Variants in SYT6 observed in about 807,000 individuals in gnomAD.
SYT6 encodes the protein synaptotagmin 6.
A neutral mutation model predicts 38.4 loss-of-function variants in SYT6; 24 were observed. That is an observed-to-expected ratio of 0.62 (90% CI 0.45 to 0.88). SYT6 has a LOEUF of 0.88. Among genes scored for constraint, SYT6 ranks in the 40% least tolerant of loss-of-function variants. The pLI is 0.00. For synonymous variants in SYT6, 265 were observed against 241.9 expected, an observed-to-expected ratio of 1.10 and a Z score of -0.89; for missense variants, 611 against 621.0, an observed-to-expected ratio of 0.98 and a Z score of 0.17.
intron 1 of SYT6, among the ~76,000 whole-genome samples, chr1:114,153,347 C>T (rs939392356): frequency 6.6e-6 from 1 of 152,216 alleles, no homozygotes; most frequent in Admixed American, 6.5e-5. Context: ...GTCCTGGGAG[C>T]CTGGCTGTCT....
rs113213056 is a variant in SYT6, at chr1:114,099,590, C to T, written c.1193-325G>A. Among the ~76,000 whole-genome samples, 8 of 152,266 alleles carry T rather than the reference C, an allele frequency of 5.3e-5. No homozygotes were observed. In the South Asian group the frequency reaches 1.5e-3, roughly 28 times the overall value. On this transcript the variant is annotated intron_variant, in intron 4 of 7. Transcript: ENST00000610222. ...CAGTTCACAGCCCTAAATCTCAGCT[C>T]GTCAATCCCTGGCTGACTCAAAAAG...
chr1:114,122,367 G>T (rs1677455833), intron 3 of SYT6, among the ~76,000 whole-genome samples: 1 of 152,188 alleles, frequency 6.6e-6, no homozygotes, highest in South Asian at 2.1e-4. Flanking sequence ...TCCCTCTCTT[G>T]GGGACTGGAG....
At chr1:114,126,293 CAT>C (rs1252290837) in intron 3 of SYT6, among the ~76,000 whole-genome samples, 5 of 152,200 alleles carry the variant, frequency 3.3e-5, no homozygotes, top group Non-Finnish European at 1.5e-5. Context: ...AATATGGAGT[CAT>C]AACACCATGG....
intron 2 of SYT6, 105 bp downstream of exon 2, chr1:114,139,510 G>A: frequency 6.7e-7 from 1 of 1,481,818 alleles, no homozygotes; most frequent in Non-Finnish European, 9.1e-7. Context: ...CAAAGGATAT[G>A]TGTTATTATT....
chr1:114,106,452 G>C (rs1676318042), intron 3 of SYT6, among the ~76,000 whole-genome samples: 4 of 152,066 alleles, frequency 2.6e-5, no homozygotes, highest in Admixed American at 2.6e-4. Context: ...TTTGGTGCCA[G>C]ATTTTCATAT....
chr1:114,108,914 T>C (rs1231214659), intron 3 of SYT6, among the ~76,000 whole-genome samples: 1 of 152,192 alleles, frequency 6.6e-6, no homozygotes, highest in Non-Finnish European at 1.5e-5. Flanking sequence ...CAGAGAAGCA[T>C]CCGCTATACT....
At chr1:114,151,703 T>C (rs543299787) in intron 1 of SYT6, among the ~76,000 whole-genome samples, 1 of 152,060 alleles carries the variant, frequency 6.6e-6, no homozygotes, top group Non-Finnish European at 1.5e-5. Context: ...AGATGGATCA[T>C]TGGTGGAAAA....
chr1:114,114,084 T>A (rs1557743280), intron 3 of SYT6, among the ~76,000 whole-genome samples: 1 of 152,112 alleles, frequency 6.6e-6, no homozygotes, highest in Non-Finnish European at 1.5e-5. Flanking sequence ...CCCACTCATC[T>A]CAGGCCACTT....
At chr1:114,143,557 C>CGT (rs149047400) in intron 1 of SYT6, among the ~76,000 whole-genome samples, 68,317 of 146,702 alleles carry the variant, frequency 0.47, 15,925 homozygotes, top group Middle Eastern at 0.6. Flanking sequence ...AACTTATGTG[C>CGT]ATGTGTGTGT....
rs558020352 is a variant in SYT6, at chr1:114,116,279, G to A, written c.1072-12558C>T. ...AGCAGACACTGCCTCAGGGGAAGGA[G>A]GGAGGGGGAGAAGCTAGGCCAGCAG... On this transcript the variant is annotated intron_variant, in intron 3 of 7. Transcript: ENST00000610222. Among the ~76,000 whole-genome samples the A allele has an allele frequency of 2.6e-5, 4 of 152,302 alleles. No homozygotes were observed. The South Asian group carries it at 6.2e-4, about 24-fold the overall frequency.
intron 7 of SYT6, among the ~76,000 whole-genome samples, 170 bp downstream of exon 7, chr1:114,093,565 A>G (rs1675444794): frequency 6.6e-6 from 1 of 152,228 alleles, no homozygotes; most frequent in Non-Finnish European, 1.5e-5. Flanking sequence ...AAGTCAAGAC[A>G]CAGCTAGCTA....
chr1:114,149,240 T>TGTGTGTGCGCGCGCGTGTGTG (rs369263313), intron 1 of SYT6, among the ~76,000 whole-genome samples: 1 of 146,888 alleles, frequency 6.8e-6, no homozygotes, highest in Non-Finnish European at 1.5e-5. Context: ...TGTGTGTGTG[T>TGTGTGTGCGCGCGCGTGTGTG]TGGGAGAACA....
intron 7 of SYT6, 97 bp downstream of exon 7, chr1:114,093,638 A>G (rs1675449441): frequency 1.0e-5 from 12 of 1,187,924 alleles, no homozygotes; most frequent in Non-Finnish European, 1.4e-5. Context: ...TTTCCACTCC[A>G]TCCTGCTGCT....
At chr1:114,125,795 T>A (rs1677690072) in intron 3 of SYT6, among the ~76,000 whole-genome samples, 2 of 152,190 alleles carry the variant, frequency 1.3e-5, no homozygotes, top group South Asian at 4.1e-4. Context: ...TGGCTCAGGA[T>A]CAAAACACTT....
chr1:114,112,613 T>A lies in SYT6; in HGVS notation c.1072-8892A>T, dbSNP rs144275401. On this transcript the variant is annotated intron_variant, in intron 3 of 7. Transcript: ENST00000610222. ...GAGTTTGGAGAAATTTTAGAAGAGA[T>A]GGCAGTAATGCCTGGTCAAGCCAGG... Among the ~76,000 whole-genome samples, 1,021 of 152,320 alleles carry A rather than the reference T, an allele frequency of 6.7e-3. 12 individuals are homozygous for A. Among genetic ancestry groups the A allele is most frequent in the African/African-American group, 0.024 (979 of 41,566 alleles).
chr1:114,137,564 G>A lies in SYT6; in HGVS notation c.1002C>T (p.Asp334=), dbSNP rs1678557079. ...RHDMIGEVIL[D]NLFEASDLSR... The stretch of plus-strand genomic sequence containing the variant: ...ACAGGTCAGAGGCCTCAAAGAGGTT[G>A]TCCAGGATGACCTCGCCAATCATGT... Residue 334 remains aspartate (D), a synonymous_variant, in exon 3 of 8, where the codon GAC becomes GAT. Coordinates refer to ENST00000610222, the MANE Select transcript of SYT6 (RefSeq NM_001253772.2). The A allele has an allele frequency of 6.2e-7, 1 of 1,614,252 alleles. No individual in the cohort carries two copies. The highest frequency in any genetic ancestry group is 8.5e-7 in the Non-Finnish European group (1 of 1,180,048).
At chr1:114,104,627 A>C (rs1676170720) in intron 3 of SYT6, among the ~76,000 whole-genome samples, 1 of 152,106 alleles carries the variant, frequency 6.6e-6, no homozygotes, top group Non-Finnish European at 1.5e-5. Flanking sequence ...AGGTTTGAGG[A>C]GGAAGAGGTC....
intron 4 of SYT6, among the ~76,000 whole-genome samples, chr1:114,101,423 A>G (rs1675962035): frequency 6.6e-6 from 1 of 152,200 alleles, no homozygotes. Context: ...AGTGTATTTC[A>G]GCCTCATTGT....
intron 3 of SYT6, among the ~76,000 whole-genome samples, chr1:114,126,762 CG>C (rs1359877802): frequency 6.6e-6 from 1 of 152,160 alleles, no homozygotes; most frequent in African/African-American, 2.4e-5. Context: ...CACATTTGGC[CG>C]GGGGCAGGTT....
Sources: allele counts gnomAD v4.1 joint callset (sites outside exome capture counted in the v4.1 genomes callset), GRCh38; gene constraint gnomAD v4.1.1; transcripts MANE v1.5; gene names NCBI Gene and HGNC (gene_info 2026-07-23, HGNC 2026-07-21).